The following MAMLD1 variants were observed in gnomAD, a reference collection of about 807,000 sequenced individuals.
MAMLD1 encodes the protein mastermind like domain containing 1.
In MAMLD1, 14 loss-of-function variants were observed where a neutral mutation model predicts 45.0. That is an observed-to-expected ratio of 0.31 (90% CI 0.21 to 0.49). The LOEUF (loss-of-function observed/expected upper bound fraction) is 0.49. Ranked by LOEUF, MAMLD1 falls within the 20% of genes least tolerant of loss-of-function variation. The pLI, the probability that MAMLD1 is intolerant of heterozygous loss-of-function variation, is 0.99. For missense variants in MAMLD1, 543 were observed against 603.6 expected (o/e 0.90, Z 1.05); for synonymous variants, 254 against 247.8 (o/e 1.02, Z -0.24).
intron 5 of MAMLD1, among the ~76,000 whole-genome samples, chrX:150,496,986 C>G: frequency 8.9e-6 from 1 of 112,565 alleles, no homozygotes. Flanking sequence ...ACTTAATTCT[C>G]TAATTAAATT....
intron 1 of MAMLD1, among the ~76,000 whole-genome samples, chrX:150,392,735 C>A (rs782749823): frequency 1.8e-5 from 2 of 109,161 alleles, no homozygotes; most frequent in African/African-American, 6.7e-5. Flanking sequence ...TTTCCACAGT[C>A]CTTTTACTAG....
At position 150,403,827 on chromosome X, in the gene MAMLD1, AAGAG is replaced by A. The variant is rs1178451790; in HGVS notation, c.-64+40313_-64+40316del. On this transcript the variant is annotated intron_variant, in intron 1 of 7. Coordinates refer to ENST00000370401, the MANE Select transcript of MAMLD1 (RefSeq NM_005491.5). ...AAAGGAAGAAAGGAAGAAAGAAAGAAAGAGAGAGAGAGAGAGAGAAAGAGAAGGA... is the reference window on the plus strand; with the variant it reads ...AAAGGAAGAAAGGAAGAAAGAAAGAAAGAGAGAGAGAGAGAAAGAGAAGGA... Among the ~76,000 whole-genome samples the A allele has an allele frequency of 1.4e-3, 145 of 103,109 alleles. 1 individual carries two copies. Among genetic ancestry groups the A allele is most frequent in the African/African-American group, 3.7e-3 (103 of 28,146 alleles). 89.5% of individuals were successfully genotyped at this position (103,109 alleles called of 115,157 possible). A position where few individuals can be genotyped will look rare whatever the true frequency, so the allele number is the denominator to read the frequency against.
intron 2 of MAMLD1, among the ~76,000 whole-genome samples, chrX:150,462,147 C>T (rs1557405647): frequency 8.9e-6 from 1 of 112,221 alleles, no homozygotes; most frequent in African/African-American, 3.2e-5. Context: ...GTTGGAAGCA[C>T]CATGGTGAGA....
At chrX:150,461,290 CAGGGCAGCCTAG>C (rs1446522654) in intron 2 of MAMLD1, among the ~76,000 whole-genome samples, 2 of 112,813 alleles carry the variant, frequency 1.8e-5, no homozygotes, top group East Asian at 5.6e-4. Flanking sequence ...AGGCACAGCC[CAGGGCAGCCTAG>C]AGATATTTAC....
intron 1 of MAMLD1, among the ~76,000 whole-genome samples, chrX:150,382,388 C>T (rs2032654573): frequency 9.0e-6 from 1 of 111,612 alleles, no homozygotes; most frequent in Non-Finnish European, 1.9e-5. Flanking sequence ...CTAATGTAGC[C>T]ATATAAAAAT....
intron 1 of MAMLD1, among the ~76,000 whole-genome samples, chrX:150,413,650 CA>C (rs1314333568): frequency 2.8e-5 from 3 of 108,123 alleles, no homozygotes; most frequent in African/African-American, 6.8e-5. Context: ...CAACCAGAGT[CA>C]GGGGGAAAGG....
chrX:150,386,590 T>C (rs2032939801), intron 1 of MAMLD1, among the ~76,000 whole-genome samples: 1 of 111,947 alleles, frequency 8.9e-6, no homozygotes, highest in Non-Finnish European at 1.9e-5. Flanking sequence ...GAAAAAAATT[T>C]TTTTATTGTC....
intron 5 of MAMLD1, among the ~76,000 whole-genome samples, chrX:150,475,210 G>A (rs1049005182): frequency 1.2e-4 from 13 of 110,548 alleles, no homozygotes; most frequent in Admixed American, 9.6e-4. Flanking sequence ...GGTTTTGTGC[G>A]GGGGGTGGGG....
intron 1 of MAMLD1, among the ~76,000 whole-genome samples, chrX:150,404,038 G>GA (rs1303739574): frequency 1.2e-4 from 10 of 85,556 alleles, no homozygotes; most frequent in African/African-American, 6.3e-4. Context: ...AGGAAGGGAG[G>GA]AAGGAAGGAA....
At position 150,512,861 on chromosome X, in the gene MAMLD1, C is replaced by T; in HGVS notation, c.*902C>T. ...GCCACCTGCCGACTTTTTGCGCCAG[C>T]CCCAACCCCCACTAAATGATCTGAT... On this transcript the variant is annotated 3_prime_UTR_variant, in exon 8 of 8. Transcript: ENST00000370401. The T allele has an allele frequency of 8.7e-7, 1 of 1,155,723 alleles. No individual in the cohort carries two copies.
chrX:150,448,854 A>T (rs1306909028), intron 2 of MAMLD1, among the ~76,000 whole-genome samples: 4 of 111,871 alleles, frequency 3.6e-5, no homozygotes, highest in Admixed American at 2.8e-4. Context: ...TGCGCATGTC[A>T]CATGCCATCT....
intron 1 of MAMLD1, among the ~76,000 whole-genome samples, chrX:150,408,759 G>T (rs1050005611): frequency 1.8e-5 from 2 of 112,004 alleles, no homozygotes; most frequent in African/African-American, 6.5e-5. Context: ...CAGGGCCAAC[G>T]CGGGGGAGTC....
intron 1 of MAMLD1, among the ~76,000 whole-genome samples, chrX:150,385,591 A>G (rs1175789986): frequency 9.0e-6 from 1 of 111,558 alleles, no homozygotes; most frequent in African/African-American, 3.3e-5. Context: ...TGGAATCATC[A>G]TAAAGGTCTT....
At chrX:150,497,009 A>C (rs898393000) in intron 5 of MAMLD1, among the ~76,000 whole-genome samples, 4 of 112,668 alleles carry the variant, frequency 3.6e-5, no homozygotes, top group African/African-American at 1.3e-4. Context: ...AAATCTGAGA[A>C]TTTACATGAT....
At chrX:150,437,804 A>C (rs1410863581) in intron 1 of MAMLD1, among the ~76,000 whole-genome samples, 3 of 111,940 alleles carry the variant, frequency 2.7e-5, no homozygotes, top group Non-Finnish European at 3.8e-5. Context: ...AGAACATTTC[A>C]ATCACCATGG....
At position 150,471,030 on chromosome X, in the gene MAMLD1, C is replaced by T; in HGVS notation, c.1457C>T (p.Thr486Ile). The T allele has an allele frequency of 8.3e-7, 1 of 1,212,057 alleles. No individual in the cohort carries two copies. Among genetic ancestry groups the T allele is most frequent in the African/African-American group, 1.7e-5 (1 of 57,870 alleles). The change falls in exon 4 of 8, where the codon ACC (threonine) becomes ATC (isoleucine). Residue 486 changes from threonine to isoleucine, a missense_variant. Physicochemically the swap from Thr to Ile is moderately conservative, Grantham distance 89. Coordinates refer to ENST00000370401, the MANE Select transcript of MAMLD1 (RefSeq NM_005491.5). Reference protein sequence around the residue: ...QCSLIRSLTPTSNLLSQQQQQ... With the variant: ...QCSLIRSLTPISNLLSQQQQQ... ...TCCCTGATCCGAAGCCTCACTCCCA[C>T]CAGTAATCTTCTAAGCCAGCAACAG...
intron 1 of MAMLD1, among the ~76,000 whole-genome samples, chrX:150,409,763 G>C (rs1387106919): frequency 3.6e-5 from 4 of 112,079 alleles, no homozygotes; most frequent in African/African-American, 1.3e-4. Context: ...GGGGCTCTCA[G>C]AAGCAAACCA....
At chrX:150,502,692 G>A (rs181325074) in intron 5 of MAMLD1, among the ~76,000 whole-genome samples, 5 of 111,886 alleles carry the variant, frequency 4.5e-5, no homozygotes, top group East Asian at 5.6e-4. Flanking sequence ...AGCTCAGGAC[G>A]TGGTTGTTGT....
At chrX:150,408,787 T>C (rs891899677) in intron 1 of MAMLD1, among the ~76,000 whole-genome samples, 6 of 112,217 alleles carry the variant, frequency 5.3e-5, no homozygotes, top group African/African-American at 1.6e-4. Flanking sequence ...AGTGGTGGTT[T>C]GCTCAATCAT....
Sources: allele counts gnomAD v4.1 joint callset (sites outside exome capture counted in the v4.1 genomes callset), GRCh38; gene constraint gnomAD v4.1.1; transcripts MANE v1.5; gene names NCBI Gene and HGNC (gene_info 2026-07-23, HGNC 2026-07-21).